ZNF77: variants seen among roughly 807,000 people sequenced by gnomAD.
The protein encoded by ZNF77 is ZNFpT1.
ZNF77 carries 15 observed loss-of-function variants against 13.5 expected under a neutral mutation model. The observed-to-expected ratio is 1.11, with a 90% CI of 0.74 to 1.71. The LOEUF (loss-of-function observed/expected upper bound fraction) is 1.71, where lower values mean the gene tolerates loss of function less well. Among genes scored for constraint, ZNF77 ranks in the 40% most tolerant of loss-of-function variants. The pLI is 0.00. For synonymous variants in ZNF77, 282 were observed against 250.0 expected, an observed-to-expected ratio of 1.13 and a Z score of -1.21; for missense variants, 717 against 676.4, an observed-to-expected ratio of 1.06 and a Z score of -0.67.
In ZNF77 at chr19:2,939,113, G is replaced by C. The variant is rs35556087; in HGVS notation, c.130+168C>G. 4.6e-3 allele frequency among the ~76,000 whole-genome samples: 333 copies of C among 71,730 alleles called. 2 individuals carry two copies. The highest frequency in any genetic ancestry group is 0.01 in the African/African-American group (248 of 24,492). The allele number at this position is 71,730 out of a possible 152,430, so 47.1% of individuals were successfully genotyped here. ...GAATGACGCCACCCTTACCCAAGGAGGCAGTGAGGGAATGACGCCACCCTT... is the reference window on the plus strand; with the variant it reads ...GAATGACGCCACCCTTACCCAAGGACGCAGTGAGGGAATGACGCCACCCTT... On this transcript the variant is annotated intron_variant, in intron 2 of 3. Transcript: ENST00000314531.
At chr19:2,939,711 C>T in intron 1 of ZNF77, 1 of 353,040 alleles carries the variant, frequency 2.8e-6, no homozygotes, top group African/African-American at 2.1e-5. Context: ...GTGGCTCATG[C>T]CTGCAATCCC....
In ZNF77 at chr19:2,935,609, G is replaced by A. The variant is rs1327886719; in HGVS notation, c.312-794C>T. Among the ~76,000 whole-genome samples the A allele has an allele frequency of 3.3e-5, 5 of 152,100 alleles. No homozygotes were observed. In the East Asian group the frequency reaches 7.7e-4, roughly 23 times the overall value. ...GCCTCCCAAAGTGCTGGGATTACAGGCGTGAGCCACTGCGCCCAGCCCACG... is the reference window on the plus strand; with the variant it reads ...GCCTCCCAAAGTGCTGGGATTACAGACGTGAGCCACTGCGCCCAGCCCACG... On this transcript the variant is annotated intron_variant, in intron 3 of 3. Coordinates refer to ENST00000314531, the MANE Select transcript of ZNF77 (RefSeq NM_021217.3).
chr19:2,936,475 G>C, intron 3 of ZNF77, 49 bp downstream of exon 3: 2 of 1,515,806 alleles, frequency 1.3e-6, no homozygotes, highest in Middle Eastern at 1.8e-4. Context: ...TTGCAAGTTA[G>C]TTTGATGCTC....
chr19:2,937,221 C>T (rs1249604254), intron 2 of ZNF77, among the ~76,000 whole-genome samples: 2 of 152,172 alleles, frequency 1.3e-5, no homozygotes, highest in Admixed American at 6.5e-5. Flanking sequence ...CGGTGGCTCA[C>T]GCCTGTAATC....
intron 1 of ZNF77, chr19:2,939,840 C>T (rs753217401): frequency 9.2e-5 from 18 of 196,212 alleles, no homozygotes; most frequent in Non-Finnish European, 1.7e-4. Flanking sequence ...ATTAACCAGC[C>T]ATGGTGGTAC....
chr19:2,943,105 A>G (rs1252695011), intron 1 of ZNF77, among the ~76,000 whole-genome samples: 1 of 152,008 alleles, frequency 6.6e-6, no homozygotes, highest in African/African-American at 2.4e-5. Flanking sequence ...AGATGCCTGC[A>G]TACTTGACGG....
intron 1 of ZNF77, among the ~76,000 whole-genome samples, chr19:2,944,412 C>T (rs2088478270): frequency 6.7e-6 from 1 of 150,204 alleles, no homozygotes; most frequent in Non-Finnish European, 1.5e-5. Flanking sequence ...AGTTCCTGAC[C>T]GCTGCTATTG....
At chr19:2,940,480 C>T (rs1274710790) in intron 1 of ZNF77, among the ~76,000 whole-genome samples, 1 of 152,080 alleles carries the variant, frequency 6.6e-6, no homozygotes, top group East Asian at 1.9e-4. Context: ...CAAGACCATC[C>T]TGGCCAACAT....
chr19:2,934,501 T>C lies in ZNF77; in HGVS notation c.626A>G (p.Lys209Arg). Residue 209 changes from lysine (K) to arginine (R), a missense_variant, in exon 4 of 4, where the codon AAA (lysine) becomes AGA (arginine). Physicochemically the swap from Lys to Arg is conservative, Grantham distance 26 (BLOSUM62 2). Coordinates refer to ENST00000314531, the MANE Select transcript of ZNF77 (RefSeq NM_021217.3). ...SVTYVKSLSS[K>R]KSYECQKCGK... ...ACATTTCTGACATTCATAAGACTTT[T>C]TACTGCTGAGACTTTTCACGTATGT... The C allele has an allele frequency of 3.1e-6, 5 of 1,614,214 alleles. No individual in the cohort carries two copies. The highest frequency in any genetic ancestry group is 4.2e-6 in the Non-Finnish European group (5 of 1,180,030).
At chr19:2,937,337 C>T (rs2088406696) in intron 2 of ZNF77, among the ~76,000 whole-genome samples, 1 of 151,938 alleles carries the variant, frequency 6.6e-6, no homozygotes, top group Non-Finnish European at 1.5e-5. Context: ...TACAAAAAAT[C>T]AGCCGGGCAT....
Position 2,934,520 on chromosome 19 carries a change from C to T in ZNF77, c.607G>A (p.Val203Met), listed in dbSNP as rs201277177. The T allele has an allele frequency of 1.6e-5, 26 of 1,614,056 alleles. No individual in the cohort carries two copies. In the East Asian group the frequency reaches 2.0e-4, roughly 12 times the overall value. Residue 203 changes from valine (V) to methionine (M), a missense_variant, in exon 4 of 4, where the codon GTG becomes ATG. By Grantham distance (21) the Val-to-Met change is conservative. Transcript: ENST00000314531. ...QDSRTASVTY[V>M]KSLSSKKSYE... ...GACTTTTTACTGCTGAGACTTTTCA[C>T]GTATGTCACAGATGCTGTCCTTGAG...
In ZNF77 at chr19:2,938,164, C is replaced by A. The variant is rs73527682; in HGVS notation, c.130+1117G>T. 6.6e-3 allele frequency among the ~76,000 whole-genome samples: 1,005 copies of A among 152,286 alleles called. 9 individuals are homozygous for A. The highest frequency in any genetic ancestry group is 0.023 in the African/African-American group (959 of 41,582). On this transcript the variant is annotated intron_variant, in intron 2 of 3. Transcript: ENST00000314531. ...GGTGCTCACAGGCACAGGGCCCTTA[C>A]AGGAGTCCTTCCTCCACTATGCCCG...
chr19:2,933,664 C>T lies in ZNF77; in HGVS notation c.1463G>A (p.Gly488Glu). ...TTCAGTACATTCGTAGGGTTTGACC[C>T]CACTGTGTGATCTCACATGCTTTTG... Reference protein sequence around the residue: ...YFQKHVRSHSGVKPYECTECG... With the variant: ...YFQKHVRSHSEVKPYECTECG... Residue 488 changes from glycine (G) to glutamate (E), a missense_variant, in exon 4 of 4, where the codon GGG becomes GAG. Coordinates refer to ENST00000314531, the MANE Select transcript of ZNF77 (RefSeq NM_021217.3). 12 of 1,613,296 alleles carry T rather than the reference C, an allele frequency of 7.4e-6. No individual in the cohort carries two copies. Among genetic ancestry groups the T allele is most frequent in the Non-Finnish European group, 1.0e-5 (12 of 1,179,456 alleles).
Position 2,934,467 on chromosome 19 carries a change from A to G in ZNF77, c.660T>C (p.Ala220=). Residue 220 remains alanine, a synonymous_variant, in exon 4 of 4, where the codon GCT becomes GCC. Coordinates refer to ENST00000314531, the MANE Select transcript of ZNF77 (RefSeq NM_021217.3). ...CCCTGAAAGATGAGGGACAAATGAA[A>G]GCTTTTCCACATTTCTGACATTCAT... ...KSYECQKCGK[A]FICPSSFRGH... 6.2e-7 allele frequency: 1 copy of G among 1,614,222 alleles called. No homozygotes were observed. Among genetic ancestry groups the G allele is most frequent in the African/African-American group, 1.3e-5 (1 of 75,066 alleles).
chr19:2,944,643 C>G (rs1322203668), intron 1 of ZNF77, among the ~76,000 whole-genome samples, 195 bp downstream of exon 1: 2 of 152,162 alleles, frequency 1.3e-5, no homozygotes, highest in African/African-American at 4.8e-5. Context: ...GAGCCCCTGA[C>G]CGCTTTTGCT....
At chr19:2,941,778 C>T (rs975983322) in intron 1 of ZNF77, among the ~76,000 whole-genome samples, 7 of 152,164 alleles carry the variant, frequency 4.6e-5, no homozygotes, top group South Asian at 2.1e-4. Flanking sequence ...TAACAGGAGA[C>T]GGAGCAGGGT....
intron 1 of ZNF77, 45 bp from the exon 2 acceptor site, chr19:2,939,452 C>A: frequency 6.2e-7 from 1 of 1,605,154 alleles, no homozygotes; most frequent in Non-Finnish European, 8.5e-7. Context: ...CACCGCCTCC[C>A]CCATGTGCGC....
chr19:2,934,026 CAG>C lies in ZNF77; in HGVS notation c.1099_1100del (p.Leu367AlafsTer29), dbSNP rs1362735654. The C allele has an allele frequency of 6.2e-7, 1 of 1,614,064 alleles. No individual in the cohort carries two copies. Among genetic ancestry groups the C allele is most frequent in the Admixed American group, 1.7e-5 (1 of 60,004 alleles). On this transcript the variant is annotated frameshift_variant, in exon 4 of 4. Coordinates refer to ENST00000314531, the MANE Select transcript of ZNF77 (RefSeq NM_021217.3). LOFTEE classifies it low-confidence loss of function (END_TRUNC). ...CGGTGTGCATTCTCATGTGTGCTCG[CAG>C]AGAGGAGGGGTACCTGAAGGCTTTG... ...CGKAFRYPSSLRAHMRMHTGE... is the reference protein window; with the variant it reads ...CGKAFRYPSSXRAHMRMHTGE...
chr19:2,936,631 A>G lies in ZNF77; in HGVS notation c.204T>C (p.Asp68=), dbSNP rs2088400015. The part of the protein sequence containing the change: ...RDVFGNGISN[D]EEIVKFTGSD... ...TTCCTGTGAACTTTACAATCTCTTC[A>G]TCATTGGATATTCCATTCCCAAAAA... Residue 68 remains aspartate (D), a synonymous_variant, in exon 3 of 4, where the codon GAT becomes GAC. Transcript: ENST00000314531. The G allele has an allele frequency of 6.2e-7, 1 of 1,610,538 alleles. No individual in the cohort carries two copies. Among genetic ancestry groups the G allele is most frequent in the Non-Finnish European group, 8.5e-7 (1 of 1,179,138 alleles).
Sources: allele counts gnomAD v4.1 joint callset (sites outside exome capture counted in the v4.1 genomes callset), GRCh38; gene constraint gnomAD v4.1.1; transcripts MANE v1.5; gene names NCBI Gene and HGNC (gene_info 2026-07-23, HGNC 2026-07-21).